Variants in UBE2G1 observed in about 807,000 individuals in gnomAD.
UBE2G1 encodes ubiquitin-conjugating enzyme E2 G1.
Under a neutral mutation model 22.7 loss-of-function variants are expected in UBE2G1, and 5 were observed. The ratio of observed to expected loss-of-function variants is 0.22; its 90% CI spans 0.12 to 0.46. The LOEUF (loss-of-function observed/expected upper bound fraction) is 0.46, where lower values mean the gene tolerates loss of function less well. Among genes scored for constraint, UBE2G1 ranks in the 20% least tolerant of loss-of-function variants. UBE2G1 has a pLI of 0.99. For missense variants in UBE2G1, 88 were observed against 203.9 expected, an observed-to-expected ratio of 0.43 and a Z score of 3.46; for synonymous variants, 74 against 67.5, an observed-to-expected ratio of 1.10 and a Z score of -0.47.
chr17:4,329,894 A>C (rs1435928443), intron 1 of UBE2G1, among the ~76,000 whole-genome samples: 3 of 152,076 alleles, frequency 2.0e-5, no homozygotes, highest in African/African-American at 7.3e-5. Flanking sequence ...TAAGGACTAA[A>C]CTATCACCAG....
chr17:4,356,975 C>G (rs1969912749), intron 1 of UBE2G1, among the ~76,000 whole-genome samples: 1 of 152,134 alleles, frequency 6.6e-6, no homozygotes, highest in African/African-American at 2.4e-5. Flanking sequence ...CCCAGTTTCT[C>G]CCAAATGCTA....
chr17:4,312,632 C>T (rs763767497), intron 1 of UBE2G1, among the ~76,000 whole-genome samples: 23 of 139,066 alleles, frequency 1.7e-4, no homozygotes, highest in Non-Finnish European at 2.3e-4. Context: ...GGAGGCGGAG[C>T]TTGCAATGAG....
intron 1 of UBE2G1, among the ~76,000 whole-genome samples, chr17:4,337,578 G>A (rs554739503): frequency 3.2e-4 from 49 of 151,194 alleles, no homozygotes; most frequent in African/African-American, 1.0e-3. Flanking sequence ...ACTTGAACCC[G>A]GGAGGTGGAG....
At chr17:4,358,986 G>C (rs1969937726) in intron 1 of UBE2G1, among the ~76,000 whole-genome samples, 1 of 150,596 alleles carries the variant, frequency 6.6e-6, no homozygotes, top group Non-Finnish European at 1.5e-5. Context: ...AAAGGAAAAA[G>C]AACTCTTTGC....
intron 1 of UBE2G1, among the ~76,000 whole-genome samples, chr17:4,360,557 G>A (rs1284270892): frequency 6.6e-6 from 1 of 152,204 alleles, no homozygotes; most frequent in African/African-American, 2.4e-5. Flanking sequence ...AATGATAAAT[G>A]CACCTAATTT....
intron 4 of UBE2G1, 101 bp downstream of exon 4, chr17:4,289,129 A>ACACACACG (rs1291867682): frequency 1.1e-6 from 1 of 933,020 alleles, no homozygotes; most frequent in Admixed American, 3.4e-5. Context: ...ACACACACAC[A>ACACACACG]CGCATGCATA....
At chr17:4,297,762 T>C (rs1344474443) in intron 2 of UBE2G1, among the ~76,000 whole-genome samples, 1 of 152,256 alleles carries the variant, frequency 6.6e-6, no homozygotes, top group Non-Finnish European at 1.5e-5. Flanking sequence ...AAATCTAAAC[T>C]AGCCACCAGG....
At chr17:4,348,570 A>T (rs1191671275) in intron 1 of UBE2G1, among the ~76,000 whole-genome samples, 2 of 149,492 alleles carry the variant, frequency 1.3e-5, no homozygotes, top group African/African-American at 5.0e-5. Flanking sequence ...AAAAAAAAAA[A>T]ATTAAAGAAC....
chr17:4,296,125 A>G (rs572906282), intron 3 of UBE2G1, among the ~76,000 whole-genome samples: 6 of 151,882 alleles, frequency 4.0e-5, no homozygotes, highest in Non-Finnish European at 8.8e-5. Context: ...TAATACCTTG[A>G]TAATTATCCC....
intron 1 of UBE2G1, among the ~76,000 whole-genome samples, chr17:4,324,519 T>G (rs910259029): frequency 6.6e-6 from 1 of 152,218 alleles, no homozygotes; most frequent in African/African-American, 2.4e-5. Context: ...GTTCCCATGT[T>G]TCTATTAGAT....
At chr17:4,336,663 A>G (rs1969652029) in intron 1 of UBE2G1, among the ~76,000 whole-genome samples, 1 of 152,110 alleles carries the variant, frequency 6.6e-6, no homozygotes, top group East Asian at 1.9e-4. Flanking sequence ...AGTAGCTGGG[A>G]TTACAGGCAT....
At chr17:4,299,453 G>A (rs922209861) in intron 2 of UBE2G1, among the ~76,000 whole-genome samples, 1 of 152,126 alleles carries the variant, frequency 6.6e-6, no homozygotes, top group Non-Finnish European at 1.5e-5. Flanking sequence ...CTGCCACAAA[G>A]CCCCTGCACT....
intron 1 of UBE2G1, among the ~76,000 whole-genome samples, chr17:4,348,875 A>T (rs1455307674): frequency 6.6e-6 from 1 of 151,446 alleles, no homozygotes; most frequent in East Asian, 2.0e-4. Flanking sequence ...AAATAAAAAT[A>T]AAAATAAAAA....
chr17:4,353,107 AC>A (rs1347600522), intron 1 of UBE2G1, among the ~76,000 whole-genome samples: 4 of 152,066 alleles, frequency 2.6e-5, no homozygotes, highest in Non-Finnish European at 5.9e-5. Context: ...AGTCCCACGT[AC>A]CCAGGAGGTT....
intron 1 of UBE2G1, among the ~76,000 whole-genome samples, chr17:4,357,737 CAA>C (rs1462522266): frequency 6.6e-6 from 1 of 151,834 alleles, no homozygotes; most frequent in African/African-American, 2.4e-5. Context: ...TAAAGAAGGA[CAA>C]TCTAGCCAAG....
At chr17:4,338,847 A>G (rs971504889) in intron 1 of UBE2G1, among the ~76,000 whole-genome samples, 2 of 152,196 alleles carry the variant, frequency 1.3e-5, no homozygotes, top group African/African-American at 4.8e-5. Context: ...TGTGCCAAAC[A>G]TAATTATCCC....
chr17:4,356,251 G>C (rs1325956141), intron 1 of UBE2G1, among the ~76,000 whole-genome samples: 1 of 151,508 alleles, frequency 6.6e-6, no homozygotes, highest in Non-Finnish European at 1.5e-5. Flanking sequence ...CCAGCTACTC[G>C]GGAGGCTGAG....
intron 1 of UBE2G1, among the ~76,000 whole-genome samples, chr17:4,357,708 A>C (rs1216205390): frequency 5.9e-5 from 9 of 152,032 alleles, no homozygotes; most frequent in African/African-American, 1.7e-4. Flanking sequence ...ATTTTATACA[A>C]AGGTGCCAAG....
intron 1 of UBE2G1, among the ~76,000 whole-genome samples, chr17:4,329,179 G>C (rs1466089904): frequency 6.7e-6 from 1 of 148,800 alleles, no homozygotes; most frequent in Non-Finnish European, 1.5e-5. Context: ...CAGGCGGATT[G>C]CCTGAGCTCA....
Sources: allele counts gnomAD v4.1 joint callset (sites outside exome capture counted in the v4.1 genomes callset), GRCh38; gene constraint gnomAD v4.1.1; transcripts MANE v1.5; gene names NCBI Gene and HGNC (gene_info 2026-07-23, HGNC 2026-07-21).